ZBTB20: variants seen among roughly 807,000 people sequenced by gnomAD.
The protein encoded by ZBTB20 is zinc finger and BTB domain-containing protein 20.
In ZBTB20, 9 loss-of-function variants were observed where a neutral mutation model predicts 56.9. The observed-to-expected ratio is 0.16, with a 90% CI of 0.10 to 0.28. The LOEUF (loss-of-function observed/expected upper bound fraction) is 0.28, where lower values mean the gene tolerates loss of function less well. Ranked by LOEUF, ZBTB20 falls within the 10% of genes least tolerant of loss-of-function variation. The probability of loss-of-function intolerance (pLI) is 1.00; values close to 1 mark genes in which losing one functional copy is unlikely to be tolerated. For missense variants in ZBTB20, 655 were observed against 1,003.0 expected (o/e 0.65, Z 4.69); for synonymous variants, 417 against 420.7 (o/e 0.99, Z 0.11).
chr3:114,607,463 C>G (rs1001898985), intron 6 of ZBTB20, among the ~76,000 whole-genome samples: 1 of 151,822 alleles, frequency 6.6e-6, no homozygotes, highest in Non-Finnish European at 1.5e-5. Flanking sequence ...CCCCCAACGC[C>G]GGGCTAATTT....
At chr3:114,892,655 C>CAA (rs58206557) in intron 4 of ZBTB20, among the ~76,000 whole-genome samples, 33 of 152,022 alleles carry the variant, frequency 2.2e-4, no homozygotes, top group East Asian at 1.6e-3. Flanking sequence ...TAGTGAGTTG[C>CAA]AAAAAAACAA....
At chr3:115,018,888 T>A (rs906715060) in intron 2 of ZBTB20, among the ~76,000 whole-genome samples, 4 of 151,330 alleles carry the variant, frequency 2.6e-5, no homozygotes, top group African/African-American at 9.7e-5. Context: ...AGTGAATGTT[T>A]TTCATTTTTT....
At chr3:114,894,504 C>T (rs1384626626) in intron 4 of ZBTB20, among the ~76,000 whole-genome samples, 1 of 152,052 alleles carries the variant, frequency 6.6e-6, no homozygotes, top group Admixed American at 6.6e-5. Flanking sequence ...CAAGTACTTC[C>T]AAATGTGATC....
At chr3:114,816,208 T>A (rs2072904806) in intron 4 of ZBTB20, among the ~76,000 whole-genome samples, 1 of 152,202 alleles carries the variant, frequency 6.6e-6, no homozygotes. Context: ...AATACGGAAA[T>A]ACACAATACA....
chr3:114,806,611 C>T (rs2072124251), intron 4 of ZBTB20, among the ~76,000 whole-genome samples: 1 of 151,832 alleles, frequency 6.6e-6, no homozygotes, highest in Non-Finnish European at 1.5e-5. Flanking sequence ...TGTTGACATC[C>T]TAATTACCAA....
chr3:114,942,580 T>C (rs112509890), intron 3 of ZBTB20, among the ~76,000 whole-genome samples: 3,133 of 145,726 alleles, frequency 0.021, 160 homozygotes, highest in South Asian at 0.035. Context: ...TCTACTGTGA[T>C]AGAGTAGCTT....
intron 6 of ZBTB20, among the ~76,000 whole-genome samples, chr3:114,647,144 G>A (rs1038030832): frequency 3.3e-5 from 5 of 151,962 alleles, no homozygotes; most frequent in African/African-American, 1.2e-4. Flanking sequence ...ATTTTTAGTA[G>A]AGACTGGCTT....
At chr3:114,561,815 T>C (rs747247648) in intron 6 of ZBTB20, among the ~76,000 whole-genome samples, 5 of 152,082 alleles carry the variant, frequency 3.3e-5, no homozygotes, top group Non-Finnish European at 7.4e-5. Flanking sequence ...GCCTATCCTT[T>C]GATGCTTTGA....
chr3:114,829,105 G>A (rs1293424071), intron 4 of ZBTB20, among the ~76,000 whole-genome samples: 1 of 151,686 alleles, frequency 6.6e-6, no homozygotes, highest in Non-Finnish European at 1.5e-5. Context: ...ACTGTATGGT[G>A]CTTCTCAAAA....
chr3:115,139,117 CA>C (rs1337469379), intron 1 of ZBTB20, among the ~76,000 whole-genome samples: 2 of 152,002 alleles, frequency 1.3e-5, no homozygotes, highest in African/African-American at 4.8e-5. Flanking sequence ...CATCATCTAA[CA>C]GACAGTATAT....
chr3:114,876,556 T>A (rs2076207070), intron 4 of ZBTB20: 1 of 152,192 alleles, frequency 6.6e-6, no homozygotes, highest in Non-Finnish European at 1.5e-5. Flanking sequence ...GGGCTGAATG[T>A]GACTAAAATT....
intron 6 of ZBTB20, among the ~76,000 whole-genome samples, chr3:114,584,445 G>A (rs950836518): frequency 2.0e-5 from 3 of 151,630 alleles, no homozygotes; most frequent in African/African-American, 7.3e-5. Flanking sequence ...GTTCATTCAC[G>A]TATTTCCTTT....
At chr3:114,749,237 A>G (rs1305514092) in intron 5 of ZBTB20, among the ~76,000 whole-genome samples, 35 of 152,144 alleles carry the variant, frequency 2.3e-4, no homozygotes, top group Admixed American at 2.3e-3. Flanking sequence ...CAACATAGCA[A>G]AATCTCACCA....
chr3:114,415,047 C>A (rs2088393352), intron 7 of ZBTB20, among the ~76,000 whole-genome samples: 1 of 151,912 alleles, frequency 6.6e-6, no homozygotes, highest in South Asian at 2.1e-4. Flanking sequence ...AGGGACCACC[C>A]AAATAGTGAC....
At chr3:115,070,120 C>T (rs182611360) in intron 2 of ZBTB20, among the ~76,000 whole-genome samples, 8 of 152,188 alleles carry the variant, frequency 5.3e-5, no homozygotes, top group Non-Finnish European at 1.2e-4. Context: ...TTTATTTAAA[C>T]TCAATGACAG....
chr3:115,050,578 T>C lies in ZBTB20; in HGVS notation c.-507+20641A>G, dbSNP rs907212062. 4.0e-4 allele frequency among the ~76,000 whole-genome samples: 61 copies of C among 152,162 alleles called. 1 individual carries two copies. Among genetic ancestry groups the C allele is most frequent in the African/African-American group, 1.5e-3 (61 of 41,568 alleles). ...TTATAAATTATGATACTTTAAAGAA[T>C]GTATGCATTCCTAGGGGTCCTCTGA... On this transcript the variant is annotated intron_variant, in intron 2 of 11. Coordinates refer to ENST00000675478, the MANE Select transcript of ZBTB20 (RefSeq NM_001348800.3).
intron 6 of ZBTB20, among the ~76,000 whole-genome samples, chr3:114,649,784 T>G (rs1048037407): frequency 3.9e-5 from 6 of 152,008 alleles, no homozygotes; most frequent in Non-Finnish European, 7.4e-5. Flanking sequence ...TTATATATTT[T>G]CCAAATCTTT....
chr3:114,503,694 C>T (rs1008246700), intron 6 of ZBTB20, among the ~76,000 whole-genome samples: 1 of 150,620 alleles, frequency 6.6e-6, no homozygotes, highest in Non-Finnish European at 1.5e-5. Context: ...TAATTCAGGA[C>T]GTTAAAATAT....
chr3:114,417,449 G>T (rs1026461135), intron 7 of ZBTB20, among the ~76,000 whole-genome samples: 1 of 152,060 alleles, frequency 6.6e-6, no homozygotes, highest in Admixed American at 6.6e-5. Flanking sequence ...TTAAGAAAAT[G>T]AAACCACAGT....
Sources: allele counts gnomAD v4.1 joint callset (sites outside exome capture counted in the v4.1 genomes callset), GRCh38; gene constraint gnomAD v4.1.1; transcripts MANE v1.5; gene names NCBI Gene and HGNC (gene_info 2026-07-23, HGNC 2026-07-21).